OSBPL10: variants seen among roughly 807,000 people sequenced by gnomAD.
OSBPL10 encodes the protein oxysterol binding protein like 10.
A neutral mutation model predicts 81.7 loss-of-function variants in OSBPL10; 49 were observed. That is an observed-to-expected ratio of 0.60 (90% CI 0.48 to 0.76). The LOEUF (loss-of-function observed/expected upper bound fraction) is 0.76, where lower values mean the gene tolerates loss of function less well. OSBPL10 is among the 30% of genes least tolerant of loss of function. OSBPL10 has a pLI of 0.00. For synonymous variants in OSBPL10, 419 were observed against 383.6 expected (o/e 1.09, Z -1.08); for missense variants, 923 against 987.8 (o/e 0.93, Z 0.88).
intron 4 of OSBPL10, among the ~76,000 whole-genome samples, chr3:31,826,776 T>C (rs970221121): frequency 9.2e-5 from 14 of 152,194 alleles, no homozygotes; most frequent in Admixed American, 7.2e-4. Flanking sequence ...TTTGCTCGGA[T>C]AGCTCCCAAG....
chr3:31,966,613 C>T lies in OSBPL10; in HGVS notation c.281+14286G>A, dbSNP rs572559954. On this transcript the variant is annotated intron_variant, in intron 1 of 11. Coordinates refer to ENST00000396556, the MANE Select transcript of OSBPL10 (RefSeq NM_017784.5). ...GGAGAAGAAAAAGGGGCCTCATGAA[C>T]ATTAAAAAGATAATAAGGGAATACT... 1.1e-4 allele frequency among the ~76,000 whole-genome samples: 17 copies of T among 151,494 alleles called. No homozygotes were observed. In the South Asian group the frequency reaches 1.9e-3, roughly 17 times the overall value.
chr3:31,893,329 T>C (rs139821287), intron 1 of OSBPL10, among the ~76,000 whole-genome samples: 2 of 152,330 alleles, frequency 1.3e-5, no homozygotes, highest in African/African-American at 4.8e-5. Context: ...TGCACATGAT[T>C]AGTCTTTAGA....
At chr3:32,018,803 A>G (rs1699337033) in intron 2 of OSBPL10, among the ~76,000 whole-genome samples, 1 of 152,208 alleles carries the variant, frequency 6.6e-6, no homozygotes, top group South Asian at 2.1e-4. Flanking sequence ...AAAGAAAAAA[A>G]GGTAGTGTTT....
Position 31,972,376 on chromosome 3 carries a change from G to A in OSBPL10, c.281+8523C>T, listed in dbSNP as rs542303957. 9.2e-5 allele frequency among the ~76,000 whole-genome samples: 14 copies of A among 152,262 alleles called. No individual in the cohort carries two copies. The South Asian group carries it at 2.7e-3, about 29-fold the overall frequency. On this transcript the variant is annotated intron_variant, in intron 1 of 11. Transcript: ENST00000396556. ...TGCACTCCAGCCTGGGTGACACAGC[G>A]AGACTCTGTCTCAAAAAGAAAAAAG...
At chr3:31,990,818 C>G in intron 2 of OSBPL10, 1 of 1,600,406 alleles carries the variant, frequency 6.2e-7, no homozygotes, top group Non-Finnish European at 8.5e-7. Context: ...CAAGCTTCAT[C>G]TTATGCAAAA....
At chr3:31,916,498 A>G (rs1696761873) in intron 1 of OSBPL10, among the ~76,000 whole-genome samples, 1 of 152,134 alleles carries the variant, frequency 6.6e-6, no homozygotes, top group Non-Finnish European at 1.5e-5. Context: ...GTCAGAAGTA[A>G]AATATCTGAC....
intron 6 of OSBPL10, among the ~76,000 whole-genome samples, chr3:31,707,763 A>T (rs1443390330): frequency 6.6e-6 from 1 of 152,180 alleles, no homozygotes; most frequent in East Asian, 1.9e-4. Flanking sequence ...CTCATAGACA[A>T]ATTATTTCTC....
intron 3 of OSBPL10, among the ~76,000 whole-genome samples, chr3:31,870,638 A>G (rs1050605584): frequency 7.9e-5 from 12 of 152,150 alleles, no homozygotes; most frequent in Non-Finnish European, 1.5e-4. Flanking sequence ...AAATACACCA[A>G]TTGGCACTCT....
In OSBPL10 at chr3:31,670,923, G is replaced by A. The variant is rs1277719209; in HGVS notation, c.1787C>T (p.Ala596Val). 1 of 1,614,066 alleles carries A rather than the reference G, an allele frequency of 6.2e-7. No individual in the cohort carries two copies. The highest frequency in any genetic ancestry group is 8.5e-7 in the Non-Finnish European group (1 of 1,180,028). ...CCACGGGATGGTGAGAATGGACCGGGCGTAGGCACTAGGCAGGGTGAATAC... is the reference window on the plus strand; with the variant it reads ...CCACGGGATGGTGAGAATGGACCGGACGTAGGCACTAGGCAGGGTGAATAC... ...EYVFTLPSAY[A>V]RSILTIPWVE... The change falls in exon 9 of 12, where the codon GCC (alanine) becomes GTC (valine). Residue 596 changes from alanine to valine, a missense_variant. Coordinates refer to ENST00000396556, the MANE Select transcript of OSBPL10 (RefSeq NM_017784.5).
intron 2 of OSBPL10, chr3:31,990,819 T>C: frequency 6.2e-7 from 1 of 1,600,042 alleles, no homozygotes; most frequent in Admixed American, 1.7e-5. Flanking sequence ...AAGCTTCATC[T>C]TATGCAAAAC....
chr3:31,981,265 C>T (rs776909958), upstream of OSBPL10: 1,190 of 1,303,322 alleles, frequency 9.1e-4, 4 homozygotes, highest in Non-Finnish European at 1.1e-3. The surrounding 1 kb of genome is among the most constrained non-coding windows in gnomAD (Gnocchi z 4.5). Flanking sequence ...CTCCGGACGC[C>T]CGGGCCGCGC....
chr3:32,077,398 C>G lies in OSBPL10; in HGVS notation n.183G>C, dbSNP rs1699885069. On this transcript the variant is annotated splice_region_variant and non_coding_transcript_exon_variant, in exon 1 of 4. Transcript: ENST00000479173. ...ATGTTCGGTAATTATCACATTACCT[C>G]TCTAAAAGTGGTGAATTGGGAGCCA... The G allele has an allele frequency of 1.3e-5, 2 of 152,264 alleles. 1 individual carries two copies. The highest frequency in any genetic ancestry group is 4.8e-5 in the African/African-American group (2 of 41,422). The allele number at this position is 152,264 out of a possible 1,614,324, so 9.4% of individuals were successfully genotyped here. A position where few individuals can be genotyped will look rare whatever the true frequency, so the allele number is the denominator to read the frequency against.
At chr3:31,786,447 A>C (rs996289551) in intron 4 of OSBPL10, among the ~76,000 whole-genome samples, 5 of 152,200 alleles carry the variant, frequency 3.3e-5, no homozygotes, top group African/African-American at 1.2e-4. Context: ...TTACTTTCTC[A>C]GTCTGGAGGC....
intron 1 of OSBPL10, among the ~76,000 whole-genome samples, chr3:32,067,678 C>T (rs1399882027): frequency 2.0e-5 from 3 of 152,278 alleles, no homozygotes; most frequent in South Asian, 4.1e-4. Context: ...GTAATCTCCC[C>T]AACCCTTAAG....
At chr3:31,906,560 T>G (rs1181285432) in intron 1 of OSBPL10, among the ~76,000 whole-genome samples, 2 of 152,190 alleles carry the variant, frequency 1.3e-5, no homozygotes, top group Non-Finnish European at 2.9e-5. Context: ...AGGGACATTT[T>G]GGGTACTTTA....
rs929598881 is a variant in OSBPL10 at position 31,795,755 on chromosome 3, G to A, written c.729+34285C>T. On this transcript the variant is annotated intron_variant, in intron 4 of 11. Coordinates refer to ENST00000396556, the MANE Select transcript of OSBPL10 (RefSeq NM_017784.5). ...ACTGATCACCAGAAACTTCATACTGGAGAAAGACCTTATAGTTGTGGGGAA... is the reference window on the plus strand; with the variant it reads ...ACTGATCACCAGAAACTTCATACTGAAGAAAGACCTTATAGTTGTGGGGAA... The A allele has an allele frequency of 2.2e-5, 5 of 231,138 alleles. No homozygotes were observed. In the Middle Eastern group the frequency reaches 1.5e-3, roughly 68 times the overall value. 14.3% of individuals were successfully genotyped at this position (231,138 alleles called of 1,614,324 possible).
chr3:31,948,704 A>G (rs370279852), intron 1 of OSBPL10, among the ~76,000 whole-genome samples: 2 of 152,214 alleles, frequency 1.3e-5, no homozygotes, highest in East Asian at 3.8e-4. Context: ...TCCAAGAAGT[A>G]TTTCTTTGCC....
At chr3:31,697,978 G>A (rs1173100306) in intron 7 of OSBPL10, among the ~76,000 whole-genome samples, 1 of 151,828 alleles carries the variant, frequency 6.6e-6, no homozygotes, top group Admixed American at 6.6e-5. Flanking sequence ...TGGCCAGGCT[G>A]GTCTCGAACT....
intron 1 of OSBPL10, among the ~76,000 whole-genome samples, chr3:32,075,015 A>G (rs1016993849): frequency 6.6e-6 from 1 of 152,186 alleles, no homozygotes; most frequent in East Asian, 1.9e-4. Flanking sequence ...AACACGACCA[A>G]AAAGAGTCAT....
Sources: allele counts gnomAD v4.1 joint callset (sites outside exome capture counted in the v4.1 genomes callset), GRCh38; gene constraint gnomAD v4.1.1; non-coding constraint Gnocchi (gnomAD v3.1); transcripts MANE v1.5; gene names NCBI Gene and HGNC (gene_info 2026-07-23, HGNC 2026-07-21).